Variants in GAB2 observed in about 807,000 individuals in gnomAD.
GAB2 encodes GRB2 associated binding protein 2.
A neutral mutation model predicts 65.5 loss-of-function variants in GAB2; 26 were observed. The observed-to-expected ratio is 0.40, with a 90% CI of 0.29 to 0.55. The LOEUF is 0.55. GAB2 is among the 20% of genes least tolerant of loss of function. GAB2 has a pLI of 0.53. For missense variants in GAB2, 884 were observed against 875.8 expected, an observed-to-expected ratio of 1.01 and a Z score of -0.12; for synonymous variants, 321 against 329.6, an observed-to-expected ratio of 0.97 and a Z score of 0.28.
At chr11:78,352,537 C>T (rs970750009) in intron 1 of GAB2, among the ~76,000 whole-genome samples, 4 of 152,188 alleles carry the variant, frequency 2.6e-5, no homozygotes, top group Admixed American at 6.5e-5. Flanking sequence ...ACCAAATAGC[C>T]ATTTCTCCCT....
chr11:78,344,095 T>C (rs1482202923), intron 1 of GAB2, among the ~76,000 whole-genome samples: 1 of 152,212 alleles, frequency 6.6e-6, no homozygotes, highest in East Asian at 1.9e-4. Context: ...AACTCCTGTG[T>C]ACTCTTTCTG....
chr11:78,332,420 T>C (rs1855930854), intron 1 of GAB2, among the ~76,000 whole-genome samples: 1 of 152,192 alleles, frequency 6.6e-6, no homozygotes, highest in Non-Finnish European at 1.5e-5. Context: ...TTAAATTTCC[T>C]TTCAATATTG....
chr11:78,281,215 A>C (rs961556504), intron 1 of GAB2, among the ~76,000 whole-genome samples: 2 of 150,048 alleles, frequency 1.3e-5, no homozygotes, highest in Non-Finnish European at 2.9e-5. Flanking sequence ...CACTGGGATT[A>C]TAAGTATGAG....
chr11:78,339,801 TGA>T lies in GAB2; in HGVS notation c.76-58902_76-58901del, dbSNP rs948366047. On this transcript the variant is annotated intron_variant, in intron 1 of 9. Transcript: ENST00000361507. Reference sequence around the variant, plus strand: ...TCACTCCTCATAGATCACGGAAAACTGACTTGTGAATAAACTCTGTTCATACA... The same window carrying T: ...TCACTCCTCATAGATCACGGAAAACTCTTGTGAATAAACTCTGTTCATACA... Among the ~76,000 whole-genome samples the T allele has an allele frequency of 9.3e-4, 141 of 152,272 alleles. 1 individual carries two copies. Among genetic ancestry groups the T allele is most frequent in the African/African-American group, 3.3e-3 (137 of 41,516 alleles).
At chr11:78,287,042 G>A (rs1591001072) in intron 1 of GAB2, among the ~76,000 whole-genome samples, 1 of 152,152 alleles carries the variant, frequency 6.6e-6, no homozygotes, top group Admixed American at 6.5e-5. Flanking sequence ...AAAAACACAT[G>A]ACCAAATGGA....
intron 1 of GAB2, among the ~76,000 whole-genome samples, chr11:78,324,973 G>A (rs946480287): frequency 3.3e-5 from 5 of 152,108 alleles, no homozygotes; most frequent in East Asian, 1.9e-4. Flanking sequence ...AATTTACTTC[G>A]CAATGGTAGT....
In GAB2 at chr11:78,302,732, G is replaced by A. The variant is rs143954359; in HGVS notation, c.76-21831C>T. Among the ~76,000 whole-genome samples the A allele has an allele frequency of 1.8e-3, 276 of 152,306 alleles. 1 individual carries two copies. Among genetic ancestry groups the A allele is most frequent in the Non-Finnish European group, 3.5e-3 (240 of 68,032 alleles). ...ACAAAAAAGATACTTGCACACACAT[G>A]CTTATAGCAGCACAATTTGCAATCG... On this transcript the variant is annotated intron_variant, in intron 1 of 9. Coordinates refer to ENST00000361507, the MANE Select transcript of GAB2 (RefSeq NM_080491.3).
intron 1 of GAB2, among the ~76,000 whole-genome samples, chr11:78,409,684 C>T (rs1283928785): frequency 1.3e-5 from 2 of 152,012 alleles, no homozygotes; most frequent in African/African-American, 4.8e-5. Flanking sequence ...AACTTCAACC[C>T]CTGTCTCTCA....
intron 3 of GAB2, among the ~76,000 whole-genome samples, chr11:78,235,799 AG>A (rs1428162381): frequency 6.6e-6 from 1 of 152,188 alleles, no homozygotes; most frequent in Non-Finnish European, 1.5e-5. Flanking sequence ...ACAAGTCTCT[AG>A]GAAGTTCCAG....
intron 1 of GAB2, among the ~76,000 whole-genome samples, chr11:78,412,299 T>C (rs1857140279): frequency 1.3e-5 from 2 of 152,170 alleles, no homozygotes; most frequent in African/African-American, 4.8e-5. Flanking sequence ...ATAAACAGAC[T>C]GTGTGGTACA....
At chr11:78,305,850 G>A (rs778979624) in intron 1 of GAB2, among the ~76,000 whole-genome samples, 1 of 152,188 alleles carries the variant, frequency 6.6e-6, no homozygotes. Flanking sequence ...GATTCCAACT[G>A]AGGAGCTATG....
In GAB2 at chr11:78,226,619, G is replaced by GGGGGGCCC; in HGVS notation, c.1052_1053insGGGCCCCC (p.Pro352GlyfsTer78). 2.1e-6 allele frequency: 2 copies of GGGGGGCCC among 952,220 alleles called. No homozygotes were observed. Among genetic ancestry groups the GGGGGGCCC allele is most frequent in the Non-Finnish European group, 3.2e-6 (2 of 620,398 alleles). The allele number at this position is 952,220 out of a possible 1,614,324, so 59.0% of individuals were successfully genotyped here. The stretch of plus-strand genomic sequence containing the variant: ...GACTTGGCTTGGGGGGGCGGGGTGG[G>GGGGGGCCC]GGAGCTATGGCTGAGTCCCCAGGAG... On this transcript the variant is annotated frameshift_variant, in exon 4 of 10. Transcript: ENST00000361507. LOFTEE classifies it high-confidence loss of function.
At chr11:78,220,983 G>C (rs1260770789) in intron 8 of GAB2, among the ~76,000 whole-genome samples, 1 of 152,172 alleles carries the variant, frequency 6.6e-6, no homozygotes, top group East Asian at 1.9e-4. Context: ...CCCCCGCCTA[G>C]CTCCTCCAAG....
Position 78,319,807 on chromosome 11 carries a change from A to C in GAB2, c.76-38906T>G, listed in dbSNP as rs139751948. Among the ~76,000 whole-genome samples the C allele has an allele frequency of 7.4e-3, 1,123 of 152,336 alleles. 9 individuals are homozygous for C. The highest frequency in any genetic ancestry group is 0.012 in the Non-Finnish European group (816 of 68,026). The stretch of plus-strand genomic sequence containing the variant: ...TGCCACGGGCTGAGGATACAGCAGT[A>C]AACAAAACAGACATGGTCCATGATC... On this transcript the variant is annotated intron_variant, in intron 1 of 9. Coordinates refer to ENST00000361507, the MANE Select transcript of GAB2 (RefSeq NM_080491.3).
At chr11:78,297,478 A>G (rs934759799) in intron 1 of GAB2, among the ~76,000 whole-genome samples, 2 of 152,020 alleles carry the variant, frequency 1.3e-5, no homozygotes, top group African/African-American at 4.8e-5. Flanking sequence ...GGTGTGAGGG[A>G]GTGTGTGTGT....
At chr11:78,242,777 G>C (rs1391666056) in intron 3 of GAB2, among the ~76,000 whole-genome samples, 1 of 152,092 alleles carries the variant, frequency 6.6e-6, no homozygotes, top group Non-Finnish European at 1.5e-5. Flanking sequence ...AAATAAAACT[G>C]ATCAACAAAA....
intron 1 of GAB2, among the ~76,000 whole-genome samples, chr11:78,366,317 C>T (rs756483448): frequency 1.7e-4 from 26 of 152,086 alleles, no homozygotes; most frequent in African/African-American, 3.9e-4. Flanking sequence ...CAGTGGCTCA[C>T]GCCTGTAATC....
chr11:78,355,247 AC>A (rs1856341259), intron 1 of GAB2, among the ~76,000 whole-genome samples: 1 of 152,226 alleles, frequency 6.6e-6, no homozygotes, highest in South Asian at 2.1e-4. Context: ...TCATCTATAA[AC>A]AACAGCAAAG....
chr11:78,225,114 A>T lies in GAB2; in HGVS notation c.1296T>A (p.Ser432=). The change falls in exon 5 of 10, where the codon TCT becomes TCA. Residue 432 remains serine, a synonymous_variant. Transcript: ENST00000361507. Reference sequence around the variant, plus strand: ...TGGGTTAACCCACACTCACCAGGAAAGAGCCAACTCCATCACTCATGGATT... The same window carrying T: ...TGGGTTAACCCACACTCACCAGGAATGAGCCAACTCCATCACTCATGGATT... ...SAESMSDGVG[S]FLPGKMIVGR... The T allele has an allele frequency of 6.2e-7, 1 of 1,610,094 alleles. No homozygotes were observed. The highest frequency in any genetic ancestry group is 8.5e-7 in the Non-Finnish European group (1 of 1,176,364).
Sources: allele counts gnomAD v4.1 joint callset (sites outside exome capture counted in the v4.1 genomes callset), GRCh38; gene constraint gnomAD v4.1.1; transcripts MANE v1.5; gene names NCBI Gene and HGNC (gene_info 2026-07-23, HGNC 2026-07-21).